Variants in MYH11 observed in about 807,000 individuals in gnomAD.
MYH11 encodes myosin-11.
Under a neutral mutation model 246.6 loss-of-function variants are expected in MYH11, and 80 were observed. That is an observed-to-expected ratio of 0.32 (90% CI 0.27 to 0.39). The LOEUF (loss-of-function observed/expected upper bound fraction) is 0.39, where lower values mean the gene tolerates loss of function less well. Ranked by LOEUF, MYH11 falls within the 10% of genes least tolerant of loss-of-function variation. The probability of loss-of-function intolerance (pLI) is 1.00; values close to 1 mark genes in which losing one functional copy is unlikely to be tolerated. For missense variants in MYH11, 2,158 were observed against 2,546.8 expected (o/e 0.85, Z 3.29); for synonymous variants, 1,071 against 1,015.5 (o/e 1.05, Z -1.04).
chr16:15,779,911 C>T (rs2042307128), intron 6 of MYH11, among the ~76,000 whole-genome samples: 1 of 152,204 alleles, frequency 6.6e-6, no homozygotes. Context: ...GAAGTGTTGG[C>T]GTGTGTGGAC....
chr16:15,724,457 CCCCTGT>C (rs1394574392), intron 30 of MYH11, 48 bp from the exon 31 acceptor site: 1 of 1,611,072 alleles, frequency 6.2e-7, no homozygotes. Flanking sequence ...CCATGAGTGG[CCCCTGT>C]CCCTGGCCCC....
chr16:15,710,124 G>A (rs1022806791), intron 40 of MYH11, among the ~76,000 whole-genome samples: 4 of 152,144 alleles, frequency 2.6e-5, no homozygotes, highest in East Asian at 1.9e-4. Context: ...TATTCGTGTC[G>A]GAACTGGCAA....
rs1353651502 is a variant in MYH11 at position 15,750,704 on chromosome 16, C to T, written c.1865-373G>A. Among the ~76,000 whole-genome samples the T allele has an allele frequency of 3.9e-5, 6 of 151,996 alleles. No individual in the cohort carries two copies. The highest frequency in any genetic ancestry group is 7.4e-5 in the Non-Finnish European group (5 of 68,006). On this transcript the variant is annotated intron_variant, in intron 15 of 40. Transcript: ENST00000300036. This position sits in a 1 kb window ranked among gnomAD's most constrained non-coding sequence, Gnocchi z 4.3. The stretch of plus-strand genomic sequence containing the variant: ...GTAAAAAAAAATAAGGCACAGAAGG[C>T]ACTTATTCCCTGCCAGCCTCCAATC...
At chr16:15,766,344 GGTGTGTGTGT>G (rs3073439) in intron 9 of MYH11, among the ~76,000 whole-genome samples, 144 of 136,784 alleles carry the variant, frequency 1.1e-3, no homozygotes, top group East Asian at 7.7e-3. Flanking sequence ...CATGTTTTTT[GGTGTGTGTGT>G]GTGTGTGTGT....
At chr16:15,714,864 C>T in intron 40 of MYH11, 45 bp downstream of exon 40, 2 of 1,610,780 alleles carry the variant, frequency 1.2e-6, no homozygotes, top group East Asian at 2.2e-5. Context: ...CAGTGCTTTT[C>T]TCTGGCCTGA....
intron 27 of MYH11, among the ~76,000 whole-genome samples, chr16:15,729,221 C>T (rs572397963): frequency 1.1e-4 from 17 of 152,156 alleles, no homozygotes; most frequent in African/African-American, 3.1e-4. Flanking sequence ...GGGGCCAAAC[C>T]GCACGAGGGC....
In MYH11 at chr16:15,760,597, G is replaced by A; in HGVS notation, c.1191C>T (p.Leu397=). Residue 397 remains leucine, a synonymous_variant, in exon 11 of 41, where the codon CTC becomes CTT. Transcript: ENST00000300036. ...CTCGCCCAACCTTGATACGAGGAGT[G>A]AGGATGGATCTGGTGAAATCTGTCA... ...INVTDFTRSI[L]TPRIKVGRDV... 6.2e-7 allele frequency: 1 copy of A among 1,614,196 alleles called. No individual in the cohort carries two copies. The highest frequency in any genetic ancestry group is 8.5e-7 in the Non-Finnish European group (1 of 1,180,022).
intron 6 of MYH11, among the ~76,000 whole-genome samples, chr16:15,781,046 G>A (rs578240504): frequency 2.8e-4 from 43 of 152,110 alleles, no homozygotes; most frequent in South Asian, 1.2e-3. Context: ...GGCCTGGCCC[G>A]AGCATTGATA....
At chr16:15,835,751 T>A (rs2043874861) in intron 2 of MYH11, among the ~76,000 whole-genome samples, 1 of 139,880 alleles carries the variant, frequency 7.1e-6, no homozygotes, top group Admixed American at 7.2e-5. Context: ...GTACTATTTT[T>A]TTTTTTTTTT....
At chr16:15,847,680 A>C (rs2044231848) in intron 1 of MYH11, among the ~76,000 whole-genome samples, 1 of 152,228 alleles carries the variant, frequency 6.6e-6, no homozygotes, top group African/African-American at 2.4e-5. Flanking sequence ...GTCTAACCTC[A>C]GACTTAAAAA....
intron 1 of MYH11, among the ~76,000 whole-genome samples, chr16:15,847,649 G>A (rs1020300880): frequency 3.9e-5 from 6 of 152,258 alleles, no homozygotes; most frequent in East Asian, 1.9e-4. Flanking sequence ...GGACACGCAC[G>A]CCTCCATTGC....
At position 15,756,241 on chromosome 16, in the gene MYH11, T is replaced by G. The variant is rs115711603; in HGVS notation, c.1749+100A>C. ...CTTAGCAGCAGATGGCTTTGCAGTT[T>G]CCAGGCAGCCCAAGGTTCTGCCACT... On this transcript the variant is annotated intron_variant, in intron 14 of 40. Coordinates refer to ENST00000300036, the MANE Select transcript of MYH11 (RefSeq NM_002474.3). The G allele has an allele frequency of 2.9e-3, 3,988 of 1,379,258 alleles. 85 individuals carry two copies. The African/African-American group carries it at 0.05, about 17-fold the overall frequency. The allele number at this position is 1,379,258 out of a possible 1,614,324, so 85.4% of individuals were successfully genotyped here.
chr16:15,717,336 T>C lies in MYH11; in HGVS notation c.5308A>G (p.Ser1770Gly), dbSNP rs1298031576. 1 of 1,608,066 alleles carries C rather than the reference T, an allele frequency of 6.2e-7. No homozygotes were observed. The highest frequency in any genetic ancestry group is 8.5e-7 in the Non-Finnish European group (1 of 1,179,984). The change falls in exon 38 of 41, where the codon AGC becomes GGC. Residue 1770 changes from serine (S) to glycine (G), a missense_variant. Coordinates refer to ENST00000300036, the MANE Select transcript of MYH11 (RefSeq NM_002474.3). ...RKATQQAEQLSNELATERSTA... is the reference protein window; with the variant it reads ...RKATQQAEQLGNELATERSTA... ...CTGCGCTCTGTGGCCAGCTCGTTGCTGAGCTGCTCGGCCTGGGGAGGAGAG... is the reference window on the plus strand; with the variant it reads ...CTGCGCTCTGTGGCCAGCTCGTTGCCGAGCTGCTCGGCCTGGGGAGGAGAG...
At position 15,717,306 on chromosome 16, in the gene MYH11, C is replaced by A. The variant is rs1041344233; in HGVS notation, c.5338G>T (p.Ala1780Ser). 6.8e-6 allele frequency: 11 copies of A among 1,612,116 alleles called. No individual in the cohort carries two copies. The highest frequency in any genetic ancestry group is 1.7e-4 in the Middle Eastern group (1 of 6,058). ...SNELATERST[A>S]QKNESARQQL... ...TGCCGGGCACTCTCATTCTTCTGGG[C>A]CGTGCTGCGCTCTGTGGCCAGCTCG... The change falls in exon 38 of 41, where the codon GCC (alanine) becomes TCC (serine). Residue 1780 changes from alanine (A) to serine (S), a missense_variant. By Grantham distance (99) the Ala-to-Ser change is moderately conservative. Around this residue, in one of 11 missense-constraint regions of MYH11, gnomAD observed 1,013 missense variants for 993.5 expected, o/e 1.02. Coordinates refer to ENST00000300036, the MANE Select transcript of MYH11 (RefSeq NM_002474.3).
chr16:15,831,272 G>A (rs1455058741), intron 2 of MYH11, among the ~76,000 whole-genome samples: 1 of 152,134 alleles, frequency 6.6e-6, no homozygotes, highest in Non-Finnish European at 1.5e-5. Flanking sequence ...GCGAGAAATA[G>A]GAACGAAGGG....
intron 2 of MYH11, among the ~76,000 whole-genome samples, chr16:15,828,955 G>C (rs1427504492): frequency 6.6e-6 from 1 of 151,682 alleles, no homozygotes; most frequent in Non-Finnish European, 1.5e-5. Flanking sequence ...AAATCGAGGA[G>C]GTCAGATCAC....
At chr16:15,763,697 C>A in intron 10 of MYH11, 99 bp downstream of exon 10, 1 of 1,030,136 alleles carries the variant, frequency 9.7e-7, no homozygotes, top group Admixed American at 1.7e-5. Flanking sequence ...GTTAAAATCC[C>A]AGATACCTTC....
chr16:15,848,128 G>T (rs1382374167), intron 1 of MYH11, among the ~76,000 whole-genome samples: 1 of 150,750 alleles, frequency 6.6e-6, no homozygotes, highest in Non-Finnish European at 1.5e-5. Context: ...TTTGCCAAAT[G>T]TTTTGAGAAT....
chr16:15,705,125 G>A (rs1882706), intron 40 of MYH11, among the ~76,000 whole-genome samples: 3,472 of 152,198 alleles, frequency 0.023, 140 homozygotes, highest in African/African-American at 0.079. Context: ...CTACATGCAC[G>A]TGCACACTGC....
Sources: gnomAD v4.1 joint callset for allele counts (sites outside exome capture counted in the v4.1 genomes callset) on GRCh38, gnomAD v4.1.1 for gene constraint, gnomAD v4.1.1 regional missense constraint, Gnocchi (gnomAD v3.1) non-coding constraint, MANE v1.5 for transcripts, NCBI Gene and HGNC (gene_info 2026-07-23, HGNC 2026-07-21) for gene names.